The following RORA variants were observed in gnomAD, a reference collection of about 807,000 sequenced individuals.
The protein encoded by RORA is nuclear receptor ROR-alpha.
In RORA, 7 loss-of-function variants were observed where a neutral mutation model predicts 69.5. The observed-to-expected ratio is 0.10, with a 90% confidence interval of 0.06 to 0.19. The LOEUF is 0.19. Ranked by LOEUF, RORA falls within the 10% of genes least tolerant of loss-of-function variation. The probability of loss-of-function intolerance (pLI) is 1.00; values close to 1 mark genes in which losing one functional copy is unlikely to be tolerated. For missense variants in RORA, 457 were observed against 663.0 expected, an observed-to-expected ratio of 0.69 and a Z score of 3.41; for synonymous variants, 261 against 240.8, an observed-to-expected ratio of 1.08 and a Z score of -0.78.
chr15:60,564,502 A>G (rs1007839308), intron 2 of RORA, among the ~76,000 whole-genome samples: 13 of 152,150 alleles, frequency 8.5e-5, no homozygotes, highest in African/African-American at 2.9e-4. Flanking sequence ...TTTTAACTTC[A>G]CTTATGAGAG....
At chr15:60,760,783 C>G (rs1011646841) in intron 1 of RORA, among the ~76,000 whole-genome samples, 1 of 152,112 alleles carries the variant, frequency 6.6e-6, no homozygotes, top group South Asian at 2.1e-4. Flanking sequence ...TCCAGTGGAG[C>G]TTTGGTATTC....
intron 2 of RORA, among the ~76,000 whole-genome samples, chr15:60,641,452 C>T (rs1361566304): frequency 6.6e-6 from 1 of 151,982 alleles, no homozygotes; most frequent in Non-Finnish European, 1.5e-5. Context: ...CTCTGTTGCC[C>T]AGACTGGAGT....
intron 1 of RORA, among the ~76,000 whole-genome samples, chr15:61,102,545 A>G (rs571668191): frequency 6.6e-6 from 1 of 152,282 alleles, no homozygotes; most frequent in South Asian, 2.1e-4. Context: ...ATCCTTTGAT[A>G]TCCAATTTCC....
intron 2 of RORA, among the ~76,000 whole-genome samples, chr15:60,596,947 G>A (rs1944650246): frequency 6.6e-6 from 1 of 152,092 alleles, no homozygotes; most frequent in Admixed American, 6.5e-5. Flanking sequence ...TAGGTATTAT[G>A]CTGACACTGT....
rs138224407 is a variant in RORA at position 61,127,738 on chromosome 15, A to G, written c.166+101315T>C. Among the ~76,000 whole-genome samples, 778 of 152,278 alleles carry G rather than the reference A, an allele frequency of 5.1e-3. 10 individuals are homozygous for G. The highest frequency in any genetic ancestry group is 0.018 in the African/African-American group (738 of 41,558). On this transcript the variant is annotated intron_variant, in intron 1 of 10. Coordinates refer to ENST00000335670, the MANE Select transcript of RORA (RefSeq NM_134261.3). The stretch of plus-strand genomic sequence containing the variant: ...GAACTCAGGCTTCCAATATTTTTCA[A>G]TAGTTGTCCTTGAGCTCATTTGTCA...
chr15:60,489,468 T>C lies in RORA; in HGVS notation c.*7987A>G, dbSNP rs1187036815. Reference sequence around the variant, plus strand: ...ATTCAGTAATATTACAGAACAATTCTAATCAATATTTAATAAGGTTAACTA... The same window carrying C: ...ATTCAGTAATATTACAGAACAATTCCAATCAATATTTAATAAGGTTAACTA... On this transcript the variant is annotated 3_prime_UTR_variant, in exon 11 of 11. Transcript: ENST00000335670. 2 of 152,252 alleles carry C rather than the reference T, an allele frequency of 1.3e-5. No individual in the cohort carries two copies. The highest frequency in any genetic ancestry group is 2.9e-5 in the Non-Finnish European group (2 of 68,042). 9.4% of individuals were successfully genotyped at this position (152,252 alleles called of 1,614,324 possible).
intron 2 of RORA, among the ~76,000 whole-genome samples, chr15:60,540,799 T>C (rs1016112825): frequency 6.6e-5 from 10 of 152,158 alleles, no homozygotes; most frequent in South Asian, 2.1e-4. Flanking sequence ...TGGTAAAAGA[T>C]TGGAAATAAC....
intron 1 of RORA, among the ~76,000 whole-genome samples, chr15:61,109,039 T>G (rs897505689): frequency 3.3e-5 from 5 of 151,954 alleles, no homozygotes; most frequent in African/African-American, 1.2e-4. Context: ...CTACTAAAAG[T>G]GCAAAAATTA....
intron 1 of RORA, among the ~76,000 whole-genome samples, chr15:61,096,506 C>G (rs544313606): frequency 1.3e-5 from 2 of 152,102 alleles, no homozygotes; most frequent in Non-Finnish European, 2.9e-5. Flanking sequence ...ATTTTAATAC[C>G]ATAAATCTTT....
intron 1 of RORA, among the ~76,000 whole-genome samples, chr15:60,869,499 G>C (rs1434816637): frequency 1.3e-5 from 2 of 152,204 alleles, no homozygotes; most frequent in Non-Finnish European, 2.9e-5. Context: ...ACTTTGGTTA[G>C]AAACATGATT....
At chr15:60,503,790 G>A (rs1271427335) in intron 6 of RORA, 123 bp from the exon 7 acceptor site, 4 of 1,124,276 alleles carry the variant, frequency 3.6e-6, no homozygotes, top group Non-Finnish European at 5.0e-6. Flanking sequence ...GAGTGGCAAA[G>A]TGGGATCTTA....
intron 1 of RORA, among the ~76,000 whole-genome samples, chr15:61,146,931 G>T (rs2079354920): frequency 6.6e-6 from 1 of 152,030 alleles, no homozygotes; most frequent in Non-Finnish European, 1.5e-5. Flanking sequence ...AGCAGCAAAG[G>T]AGGGGAGACA....
chr15:61,228,284 C>T (rs1419427760), intron 1 of RORA, among the ~76,000 whole-genome samples: 3 of 151,970 alleles, frequency 2.0e-5, no homozygotes, highest in African/African-American at 7.2e-5. Context: ...CGCGTTGGCG[C>T]GCACACGCCC....
chr15:60,770,007 G>T (rs1951571370), intron 1 of RORA, among the ~76,000 whole-genome samples: 1 of 152,138 alleles, frequency 6.6e-6, no homozygotes, highest in South Asian at 2.1e-4. Context: ...AACCTGTTTT[G>T]AGTTTTATTT....
intron 2 of RORA, among the ~76,000 whole-genome samples, chr15:60,621,629 A>G (rs1488618660): frequency 6.6e-6 from 1 of 152,224 alleles, no homozygotes; most frequent in African/African-American, 2.4e-5. Context: ...GGCTTTAAAA[A>G]TACAAAAACA....
rs77240183 is a variant in RORA, at chr15:61,040,838, A to T, written c.166+188215T>A. Among the ~76,000 whole-genome samples the T allele has an allele frequency of 3.9e-3, 595 of 152,132 alleles. 2 individuals carry two copies. The highest frequency in any genetic ancestry group is 0.014 in the African/African-American group (582 of 41,492). On this transcript the variant is annotated intron_variant, in intron 1 of 10. Transcript: ENST00000335670. The stretch of plus-strand genomic sequence containing the variant: ...TTATAGTCATAATCAATAATCACTC[A>T]TTTTTTCAAAGGTTGTTTTTATTGA...
chr15:61,022,543 G>C (rs1895583151), intron 1 of RORA, among the ~76,000 whole-genome samples: 1 of 152,134 alleles, frequency 6.6e-6, no homozygotes, highest in Non-Finnish European at 1.5e-5. Flanking sequence ...TGCACACACA[G>C]ACACACATTC....
intron 1 of RORA, among the ~76,000 whole-genome samples, chr15:61,079,135 GA>G (rs1202833169): frequency 6.9e-5 from 10 of 145,758 alleles, no homozygotes; most frequent in African/African-American, 1.0e-4. Context: ...TTTCCCAAAA[GA>G]AAAAAAAAAG....
chr15:60,979,182 T>A (rs540050912), intron 1 of RORA, among the ~76,000 whole-genome samples: 1 of 151,738 alleles, frequency 6.6e-6, no homozygotes, highest in Admixed American at 6.6e-5. Context: ...GCCAGGATGG[T>A]CTTCATCTCC....
Sources: allele counts gnomAD v4.1 joint callset (sites outside exome capture counted in the v4.1 genomes callset), GRCh38; gene constraint gnomAD v4.1.1; transcripts MANE v1.5; gene names NCBI Gene and HGNC (gene_info 2026-07-23, HGNC 2026-07-21).